ANO3: variants seen among roughly 807,000 people sequenced by gnomAD.
The protein encoded by ANO3 is anoctamin-3.
In ANO3, 99 loss-of-function variants were observed where a neutral mutation model predicts 144.8. The ratio of observed to expected loss-of-function variants is 0.68; its 90% CI spans 0.58 to 0.81. ANO3 has a LOEUF of 0.81. ANO3 is among the 30% of genes least tolerant of loss of function. The pLI, the probability that ANO3 is intolerant of heterozygous loss-of-function variation, is 0.00. For synonymous variants in ANO3, 414 were observed against 392.6 expected, an observed-to-expected ratio of 1.05 and a Z score of -0.64; for missense variants, 905 against 1,202.2, an observed-to-expected ratio of 0.75 and a Z score of 3.66.
intron 1 of ANO3, among the ~76,000 whole-genome samples, chr11:26,292,465 G>A (rs10834954): frequency 6.6e-6 from 1 of 152,040 alleles, no homozygotes; most frequent in Non-Finnish European, 1.5e-5. Flanking sequence ...TGGTGAGGAG[G>A]TGCGATCCTT....
intron 1 of ANO3, among the ~76,000 whole-genome samples, chr11:26,239,746 T>G (rs1379777161): frequency 6.6e-6 from 1 of 152,186 alleles, no homozygotes; most frequent in Non-Finnish European, 1.5e-5. Flanking sequence ...GGGCACGTAG[T>G]AAGTGTTCAA....
At chr11:26,195,389 A>G (rs1851564472) in intron 1 of ANO3, among the ~76,000 whole-genome samples, 1 of 152,214 alleles carries the variant, frequency 6.6e-6, no homozygotes, top group Non-Finnish European at 1.5e-5. Flanking sequence ...CAGAAATTAA[A>G]TTTCTCTATT....
chr11:26,564,728 CACACATATATATATATATATATATAT>C (rs1273371487), intron 14 of ANO3, among the ~76,000 whole-genome samples: 139 of 36,162 alleles, frequency 3.8e-3, no homozygotes, highest in African/African-American at 0.015. Flanking sequence ...CACACACACA[CACACATATATATATATATATATATAT>C]ATATATATAT....
At chr11:26,242,984 C>A (rs1852694203) in intron 1 of ANO3, among the ~76,000 whole-genome samples, 1 of 152,072 alleles carries the variant, frequency 6.6e-6, no homozygotes, top group African/African-American at 2.4e-5. Flanking sequence ...ACTTAAGGAG[C>A]TTGTTAAAAT....
At chr11:26,374,604 GC>G (rs1174940670) in intron 1 of ANO3, among the ~76,000 whole-genome samples, 1 of 152,104 alleles carries the variant, frequency 6.6e-6, no homozygotes, top group African/African-American at 2.4e-5. Flanking sequence ...TGAGATGTTG[GC>G]CATGATAAAT....
intron 1 of ANO3, among the ~76,000 whole-genome samples, chr11:26,229,596 T>G (rs1486259594): frequency 1.3e-5 from 2 of 152,202 alleles, no homozygotes; most frequent in Non-Finnish European, 2.9e-5. Context: ...TAGATTTCCT[T>G]TAGGAACATA....
At chr11:26,463,894 C>T (rs1220930490) in intron 4 of ANO3, among the ~76,000 whole-genome samples, 1 of 151,228 alleles carries the variant, frequency 6.6e-6, no homozygotes, top group African/African-American at 2.4e-5. Flanking sequence ...TCAGGATAAG[C>T]TCACTTTTTT....
intron 12 of ANO3, among the ~76,000 whole-genome samples, chr11:26,553,003 C>CACAAGTGTGAAAATGGCCTGTTATCATT (rs145559609): frequency 6.6e-6 from 1 of 151,714 alleles, no homozygotes; most frequent in Admixed American, 6.6e-5. Context: ...CCATTTATCA[C>CACAAGTGTGAAAATGGCCTGTTATCATT]ACAATTATCT....
At chr11:26,305,982 C>T (rs1854370588), upstream of ANO3, among the ~76,000 whole-genome samples, 2 of 152,132 alleles carry the variant, frequency 1.3e-5, no homozygotes, top group African/African-American at 4.8e-5. Flanking sequence ...AAGACAGAGT[C>T]TCGCTTCTCG....
chr11:26,609,053 A>C (rs537402898), intron 17 of ANO3, among the ~76,000 whole-genome samples: 1 of 152,186 alleles, frequency 6.6e-6, no homozygotes, highest in Admixed American at 6.5e-5. Context: ...TTGGGACCCT[A>C]GTCCCCAGTG....
At chr11:26,474,496 T>C (rs990663348) in intron 4 of ANO3, among the ~76,000 whole-genome samples, 1 of 151,860 alleles carries the variant, frequency 6.6e-6, no homozygotes, top group Non-Finnish European at 1.5e-5. Flanking sequence ...TTATACAATA[T>C]TTTTAACTGG....
intron 4 of ANO3, among the ~76,000 whole-genome samples, chr11:26,466,311 A>G (rs1057313461): frequency 7.2e-5 from 11 of 151,994 alleles, no homozygotes; most frequent in Admixed American, 7.2e-4. Context: ...AGTTATATTT[A>G]AATATTTCAG....
chr11:26,622,430 G>GAAAAAAAAAA (rs72360962), intron 17 of ANO3, among the ~76,000 whole-genome samples: 1 of 134,122 alleles, frequency 7.5e-6, no homozygotes, highest in African/African-American at 2.8e-5. Flanking sequence ...AGCCATCTCT[G>GAAAAAAAAAA]AAAAAAAAAA....
chr11:26,193,458 G>A (rs1219967337), intron 1 of ANO3, among the ~76,000 whole-genome samples: 1 of 152,064 alleles, frequency 6.6e-6, no homozygotes, highest in Non-Finnish European at 1.5e-5. Context: ...CCTATCTTTA[G>A]ATGACCAATA....
At chr11:26,284,728 T>C (rs567131064) in intron 1 of ANO3, among the ~76,000 whole-genome samples, 66 of 148,648 alleles carry the variant, frequency 4.4e-4, no homozygotes, top group Admixed American at 1.5e-3. Context: ...TGAAACCCCG[T>C]CTCTACTAAA....
chr11:26,255,579 C>T (rs1338802472), intron 1 of ANO3, among the ~76,000 whole-genome samples: 1 of 151,790 alleles, frequency 6.6e-6, no homozygotes, highest in Non-Finnish European at 1.5e-5. Context: ...AGATAAGAGC[C>T]CAAGAAAAAG....
chr11:26,519,522 C>T lies in ANO3; in HGVS notation c.692+2595C>T, dbSNP rs893460362. 2.6e-5 allele frequency among the ~76,000 whole-genome samples: 4 copies of T among 152,176 alleles called. No individual in the cohort carries two copies. In the East Asian group the frequency reaches 5.8e-4, roughly 22 times the overall value. ...CATACTGGATGTCTTAAGCAACAAA[C>T]ATTTACTTGTCACAGTTCTGGACGC... is the stretch of plus-strand genomic sequence containing the variant. On this transcript the variant is annotated intron_variant, in intron 6 of 26. Transcript: ENST00000256737.
At chr11:26,349,604 A>C (rs1007560496) in intron 1 of ANO3, among the ~76,000 whole-genome samples, 2 of 151,940 alleles carry the variant, frequency 1.3e-5, no homozygotes, top group Non-Finnish European at 2.9e-5. Flanking sequence ...GCTGGAGTGC[A>C]GTGGCGCGAT....
chr11:26,329,065 A>G (rs1407676966), upstream of ANO3, among the ~76,000 whole-genome samples: 1 of 152,036 alleles, frequency 6.6e-6, no homozygotes, highest in Non-Finnish European at 1.5e-5. Flanking sequence ...TTTGGAGAAA[A>G]ATGTTTGAAG....
Sources: gnomAD v4.1 joint callset for allele counts (sites outside exome capture counted in the v4.1 genomes callset) on GRCh38, gnomAD v4.1.1 for gene constraint, MANE v1.5 for transcripts, NCBI Gene and HGNC (gene_info 2026-07-23, HGNC 2026-07-21) for gene names.